NALF1: variants seen among roughly 807,000 people sequenced by gnomAD.
NALF1 encodes the protein family with sequence similarity 155 member A.
A neutral mutation model predicts 48.4 loss-of-function variants in NALF1; 3 were observed. That is an observed-to-expected ratio of 0.06 (90% confidence interval 0.03 to 0.16). NALF1 has a LOEUF of 0.16. Among genes scored for constraint, NALF1 ranks in the 10% least tolerant of loss-of-function variants. The pLI, the probability that NALF1 is intolerant of heterozygous loss-of-function variation, is 1.00. For missense variants in NALF1, 526 were observed against 571.5 expected, an observed-to-expected ratio of 0.92 and a Z score of 0.81; for synonymous variants, 262 against 245.7, an observed-to-expected ratio of 1.07 and a Z score of -0.62.
intron 1 of NALF1, among the ~76,000 whole-genome samples, chr13:107,434,847 T>C (rs1884438535): frequency 6.6e-6 from 1 of 152,220 alleles, no homozygotes; most frequent in Non-Finnish European, 1.5e-5. Flanking sequence ...CCATGCCCAG[T>C]AAATGTAATT....
At chr13:107,681,556 C>A (rs1255837878) in intron 1 of NALF1, among the ~76,000 whole-genome samples, 1 of 152,174 alleles carries the variant, frequency 6.6e-6, no homozygotes, top group Non-Finnish European at 1.5e-5. Flanking sequence ...CAAATACCAA[C>A]CTGCAGACAT....
chr13:107,459,803 T>G (rs1350835182), intron 1 of NALF1, among the ~76,000 whole-genome samples: 1 of 152,140 alleles, frequency 6.6e-6, no homozygotes, highest in Non-Finnish European at 1.5e-5. Flanking sequence ...TGCAGTGGTG[T>G]GATCTCCACT....
intron 1 of NALF1, among the ~76,000 whole-genome samples, chr13:107,604,275 T>C (rs891397062): frequency 6.6e-6 from 1 of 152,212 alleles, no homozygotes; most frequent in Non-Finnish European, 1.5e-5. Context: ...AGGGGCTACA[T>C]TTAAAATTGG....
chr13:107,685,067 C>A (rs139308611), intron 1 of NALF1, among the ~76,000 whole-genome samples: 3,771 of 152,308 alleles, frequency 0.025, 157 homozygotes, highest in African/African-American at 0.085. Context: ...GTAATCCCAG[C>A]ACTTTGGGAG....
intron 1 of NALF1, among the ~76,000 whole-genome samples, chr13:107,821,589 C>T (rs551687065): frequency 6.6e-6 from 1 of 152,226 alleles, no homozygotes; most frequent in South Asian, 2.1e-4. Context: ...CTGGGGAGCA[C>T]TCTTCAAACT....
At chr13:107,548,809 C>T (rs1336238916) in intron 1 of NALF1, among the ~76,000 whole-genome samples, 1 of 151,930 alleles carries the variant, frequency 6.6e-6, no homozygotes, top group East Asian at 1.9e-4. Context: ...TAGCCATACA[C>T]ACACACGTGT....
chr13:107,269,089 A>G (rs1346074824), intron 1 of NALF1, among the ~76,000 whole-genome samples: 9 of 151,930 alleles, frequency 5.9e-5, no homozygotes, highest in East Asian at 1.9e-4. Flanking sequence ...TTTGAACCCA[A>G]GAGGTCCAGA....
At chr13:107,767,825 T>C (rs1227239391) in intron 1 of NALF1, among the ~76,000 whole-genome samples, 4 of 152,246 alleles carry the variant, frequency 2.6e-5, no homozygotes, top group African/African-American at 7.2e-5. Flanking sequence ...CTCTAGCATA[T>C]ACTTCAGGCC....
At chr13:107,787,148 A>G (rs1406830724) in intron 1 of NALF1, among the ~76,000 whole-genome samples, 1 of 152,206 alleles carries the variant, frequency 6.6e-6, no homozygotes, top group Non-Finnish European at 1.5e-5. Context: ...ATAATATTAA[A>G]CTATCATCAC....
chr13:107,592,504 G>C (rs1316114523), intron 1 of NALF1, among the ~76,000 whole-genome samples: 2 of 151,790 alleles, frequency 1.3e-5, no homozygotes, highest in Non-Finnish European at 2.9e-5. Context: ...ACATTACTTA[G>C]TTCTAAGAAG....
chr13:107,316,686 T>G (rs531614253), intron 1 of NALF1, among the ~76,000 whole-genome samples: 6 of 152,320 alleles, frequency 3.9e-5, no homozygotes, highest in Admixed American at 2.6e-4. Flanking sequence ...TTTGGCTGCA[T>G]AAATGTCTTC....
chr13:107,829,048 C>G (rs1170202234), intron 1 of NALF1, among the ~76,000 whole-genome samples: 2 of 152,162 alleles, frequency 1.3e-5, no homozygotes, highest in African/African-American at 2.4e-5. Context: ...CTATCATGAA[C>G]ATGCCCCCTC....
intron 1 of NALF1, among the ~76,000 whole-genome samples, chr13:107,497,344 T>TAG (rs1875374469): frequency 6.6e-6 from 1 of 152,218 alleles, no homozygotes; most frequent in Non-Finnish European, 1.5e-5. Context: ...AAAAGTCATA[T>TAG]AGAACACTAT....
At chr13:107,375,892 G>A (rs1213560704) in intron 1 of NALF1, among the ~76,000 whole-genome samples, 2 of 151,744 alleles carry the variant, frequency 1.3e-5, no homozygotes, top group South Asian at 4.1e-4. Context: ...GCCCCCTCCC[G>A]ATAGTCATGT....
chr13:107,750,716 G>C (rs1002182555), intron 1 of NALF1, among the ~76,000 whole-genome samples: 2 of 152,140 alleles, frequency 1.3e-5, no homozygotes, highest in African/African-American at 4.8e-5. Flanking sequence ...GCTATAAAAT[G>C]TCTTTACACT....
chr13:107,326,786 A>T (rs1361515460), intron 1 of NALF1, among the ~76,000 whole-genome samples: 2 of 152,292 alleles, frequency 1.3e-5, no homozygotes, highest in Middle Eastern at 3.4e-3. Flanking sequence ...TAGTGTCTCC[A>T]CTGGGCCTTG....
chr13:107,464,906 T>C (rs1884976917), intron 1 of NALF1, among the ~76,000 whole-genome samples: 1 of 152,142 alleles, frequency 6.6e-6, no homozygotes, highest in African/African-American at 2.4e-5. Flanking sequence ...TTGATGAAAT[T>C]TCAAGTAAAT....
chr13:107,210,253 G>A (rs1879733428), intron 2 of NALF1, among the ~76,000 whole-genome samples: 1 of 152,146 alleles, frequency 6.6e-6, no homozygotes, highest in Non-Finnish European at 1.5e-5. Context: ...CTGTTCTTAT[G>A]GAATTCAAAG....
intron 1 of NALF1, among the ~76,000 whole-genome samples, chr13:107,623,313 C>T (rs1198492990): frequency 6.6e-6 from 1 of 152,104 alleles, no homozygotes; most frequent in African/African-American, 2.4e-5. Flanking sequence ...AACAAGCAAA[C>T]ACCAATTTTC....
Sources: gnomAD v4.1 joint callset for allele counts (sites outside exome capture counted in the v4.1 genomes callset) on GRCh38, gnomAD v4.1.1 for gene constraint, MANE v1.5 for transcripts, NCBI Gene and HGNC (gene_info 2026-07-23, HGNC 2026-07-21) for gene names.